RASEF: variants seen among roughly 807,000 people sequenced by gnomAD.
The protein encoded by RASEF is ras and EF-hand domain-containing protein.
Under a neutral mutation model 90.1 loss-of-function variants are expected in RASEF, and 68 were observed. That is an observed-to-expected ratio of 0.75 (90% CI 0.62 to 0.92). The LOEUF is 0.92. RASEF is among the 40% of genes least tolerant of loss of function. RASEF has a pLI of 0.00. For synonymous variants in RASEF, 331 were observed against 345.2 expected, an observed-to-expected ratio of 0.96 and a Z score of 0.46; for missense variants, 949 against 937.2, an observed-to-expected ratio of 1.01 and a Z score of -0.16.
the RASEF span, among the ~76,000 whole-genome samples, chr9:83,178,712 A>G: frequency 6.6e-6 from 1 of 152,242 alleles, no homozygotes; most frequent in African/African-American, 2.4e-5. Flanking sequence ...TTTCTCTTAC[A>G]TTTCATATTC....
the RASEF span, among the ~76,000 whole-genome samples, chr9:83,157,415 A>G: frequency 6.6e-6 from 1 of 152,138 alleles, no homozygotes; most frequent in Admixed American, 6.6e-5. Context: ...TGTAGGGATG[A>G]CTTTATTATA....
At chr9:83,213,054 G>A in the RASEF span, among the ~76,000 whole-genome samples, 2 of 149,918 alleles carry the variant, frequency 1.3e-5, no homozygotes, top group East Asian at 3.9e-4. Context: ...TCTTCTTTTA[G>A]TACGATAAAC....
In RASEF at chr9:83,048,842, T is replaced by A. The variant is rs1013715960; in HGVS notation, c.431+13595A>T. 9.6e-6 allele frequency: 8 copies of A among 829,558 alleles called. No individual in the cohort carries two copies. The African/African-American group carries it at 1.5e-4, about 15-fold the overall frequency. 51.4% of individuals were successfully genotyped at this position (829,558 alleles called of 1,614,324 possible). On this transcript the variant is annotated intron_variant, in intron 1 of 16. Transcript: ENST00000376447. Reference sequence around the variant, plus strand: ...ACATGTAGACCTTATTAAAGACTCCTGTGAGGCTGTGTGCAGTGGCTCACG... The same window carrying A: ...ACATGTAGACCTTATTAAAGACTCCAGTGAGGCTGTGTGCAGTGGCTCACG...
chr9:83,190,309 C>T, the RASEF span, among the ~76,000 whole-genome samples: 1 of 152,076 alleles, frequency 6.6e-6, no homozygotes, highest in Non-Finnish European at 1.5e-5. Flanking sequence ...AGGGAAAGTA[C>T]ACTATATGAT....
the RASEF span, among the ~76,000 whole-genome samples, chr9:83,185,209 T>A: frequency 1.3e-5 from 2 of 152,086 alleles, no homozygotes; most frequent in African/African-American, 4.8e-5. Context: ...TAAAAAATGC[T>A]TCGAAGACAA....
At chr9:83,045,638 T>A (rs1446581923) in intron 1 of RASEF, among the ~76,000 whole-genome samples, 1 of 152,210 alleles carries the variant, frequency 6.6e-6, no homozygotes, top group East Asian at 1.9e-4. Context: ...CTGACATTCA[T>A]TTCTGTCTTT....
At chr9:83,023,432 T>C (rs1289488584) in intron 2 of RASEF, among the ~76,000 whole-genome samples, 1 of 152,186 alleles carries the variant, frequency 6.6e-6, no homozygotes, top group Non-Finnish European at 1.5e-5. Context: ...TGTCTTCTAG[T>C]TTGATGGGTC....
the RASEF span, among the ~76,000 whole-genome samples, chr9:83,176,292 C>T: frequency 6.6e-6 from 1 of 152,234 alleles, no homozygotes; most frequent in African/African-American, 2.4e-5. Flanking sequence ...CTGTTTGTCT[C>T]ATATTAGTCT....
intron 1 of RASEF, among the ~76,000 whole-genome samples, chr9:83,059,619 A>T (rs576503310): frequency 6.6e-6 from 1 of 151,996 alleles, no homozygotes; most frequent in East Asian, 1.9e-4. Context: ...CACCCTCAAC[A>T]CCCACACATT....
the RASEF span, among the ~76,000 whole-genome samples, chr9:83,189,356 T>C: frequency 1.3e-5 from 2 of 152,182 alleles, no homozygotes; most frequent in Admixed American, 1.3e-4. Context: ...GCACTGTGAG[T>C]CAATTAAACC....
At chr9:82,990,871 C>T (rs149934807) in intron 15 of RASEF, among the ~76,000 whole-genome samples, 13 of 152,254 alleles carry the variant, frequency 8.5e-5, no homozygotes, top group South Asian at 6.2e-4. Flanking sequence ...CCCTCCTTCC[C>T]GCTAACTTTT....
chr9:83,106,072 C>T, the RASEF span, among the ~76,000 whole-genome samples: 2 of 151,438 alleles, frequency 1.3e-5, no homozygotes, highest in African/African-American at 4.9e-5. Context: ...TTTCCTCCAC[C>T]TTCATCTCTC....
chr9:83,216,004 C>A, the RASEF span, among the ~76,000 whole-genome samples: 2 of 150,422 alleles, frequency 1.3e-5, no homozygotes, highest in Non-Finnish European at 3.0e-5. Flanking sequence ...AAGAGACTGG[C>A]AGCATTTTGC....
chr9:83,064,913 A>G (rs1830268554), upstream of RASEF, among the ~76,000 whole-genome samples: 1 of 152,108 alleles, frequency 6.6e-6, no homozygotes, highest in Non-Finnish European at 1.5e-5. Flanking sequence ...CTAAAAATAC[A>G]AAAAATTAGC....
intron 14 of RASEF, among the ~76,000 whole-genome samples, chr9:82,994,278 G>A (rs1564070252): frequency 6.6e-6 from 1 of 152,082 alleles, no homozygotes; most frequent in Non-Finnish European, 1.5e-5. Context: ...GGATGCAAGG[G>A]GCATCACTTG....
the RASEF span, among the ~76,000 whole-genome samples, chr9:83,184,527 C>T: frequency 5.4e-3 from 829 of 152,268 alleles, 8 homozygotes; most frequent in African/African-American, 0.019. Flanking sequence ...CATTGCTGGA[C>T]CATTGCCCAT....
chr9:83,105,661 G>A, the RASEF span, among the ~76,000 whole-genome samples: 3 of 152,192 alleles, frequency 2.0e-5, no homozygotes, highest in Non-Finnish European at 4.4e-5. Context: ...TATAATATGG[G>A]ATCATGTGCT....
At chr9:83,098,638 AG>A in the RASEF span, among the ~76,000 whole-genome samples, 31 of 152,348 alleles carry the variant, frequency 2.0e-4, no homozygotes, top group Admixed American at 3.3e-4. Flanking sequence ...AAAAAGAAAC[AG>A]GTTTAATTGA....
At chr9:83,150,826 T>C in the RASEF span, among the ~76,000 whole-genome samples, 1 of 152,208 alleles carries the variant, frequency 6.6e-6, no homozygotes, top group Non-Finnish European at 1.5e-5. Context: ...AAATGCTAGA[T>C]TGTGTAGTTC....
Sources: gnomAD v4.1 joint callset for allele counts (sites outside exome capture counted in the v4.1 genomes callset) on GRCh38, gnomAD v4.1.1 for gene constraint, MANE v1.5 for transcripts, NCBI Gene and HGNC (gene_info 2026-07-23, HGNC 2026-07-21) for gene names.